The following ART3 variants were observed in gnomAD, a reference collection of about 807,000 sequenced individuals.
The protein encoded by ART3 is ecto-ADP-ribosyltransferase 3.
In ART3, 49 loss-of-function variants were observed where a neutral mutation model predicts 48.5. The ratio of observed to expected loss-of-function variants is 1.01; its 90% CI spans 0.80 to 1.28. The LOEUF (loss-of-function observed/expected upper bound fraction) is 1.28, where lower values mean the gene tolerates loss of function less well. Among genes scored for constraint, ART3 ranks in the 50% most tolerant of loss-of-function variants. The pLI, the probability that ART3 is intolerant of heterozygous loss-of-function variation, is 0.00. For synonymous variants in ART3, 145 were observed against 157.2 expected (o/e 0.92, Z 0.58); for missense variants, 438 against 454.3 (o/e 0.96, Z 0.33).
chr4:76,112,173 C>T (rs1729621455), intron 11 of ART3, among the ~76,000 whole-genome samples: 2 of 152,230 alleles, frequency 1.3e-5, no homozygotes, highest in African/African-American at 4.8e-5. Context: ...GGCACCCCAA[C>T]ACCCGTATTA....
chr4:76,027,291 T>C (rs1216339408), intron 1 of ART3, among the ~76,000 whole-genome samples: 1 of 152,100 alleles, frequency 6.6e-6, no homozygotes, highest in African/African-American at 2.4e-5. Context: ...TTATGATCAG[T>C]ACCAAATGAG....
chr4:76,112,687 T>C lies in ART3; in HGVS notation c.*168T>C, dbSNP rs932690712. 3.1e-5 allele frequency: 23 copies of C among 732,666 alleles called. No individual in the cohort carries two copies. Among genetic ancestry groups the C allele is most frequent in the South Asian group, 3.1e-4 (12 of 38,712 alleles). The allele number at this position is 732,666 out of a possible 1,614,324, so 45.4% of individuals were successfully genotyped here. A position where few individuals can be genotyped will look rare whatever the true frequency, so the allele number is the denominator to read the frequency against. On this transcript the variant is annotated 3_prime_UTR_variant, in exon 12 of 12. Coordinates refer to ENST00000355810, the MANE Select transcript of ART3 (RefSeq NM_001130016.3). The stretch of plus-strand genomic sequence containing the variant: ...CAAATTCAGAAAGTTGGTCCAGATA[T>C]ATGTCACAGAACTTTTCACTTGTAT...
chr4:76,059,419 T>G (rs1021900664), intron 1 of ART3, among the ~76,000 whole-genome samples: 1 of 151,646 alleles, frequency 6.6e-6, no homozygotes, highest in Non-Finnish European at 1.5e-5. Context: ...CTTTTCTCTA[T>G]CCTTACTTTT....
intron 1 of ART3, among the ~76,000 whole-genome samples, chr4:76,064,727 A>G (rs1003715423): frequency 6.6e-6 from 1 of 152,234 alleles, no homozygotes; most frequent in African/African-American, 2.4e-5. Context: ...TTATTACAAA[A>G]TGAGTACCAA....
rs575164317 is a variant in ART3 at position 76,044,318 on chromosome 4, C to T, written c.-9-31563C>T. Among the ~76,000 whole-genome samples the T allele has an allele frequency of 1.3e-5, 2 of 152,192 alleles. 1 individual carries two copies. The highest frequency in any genetic ancestry group is 3.9e-4 in the East Asian group (2 of 5,188). ...TGGTTAGTGTGAAAACCACATTCTT[C>T]CCCTAAGAAGGTGCAGAGTCCTCCT... On this transcript the variant is annotated intron_variant, in intron 1 of 9. Coordinates refer to the ART3 transcript ENST00000341029.
At chr4:76,095,162 C>T (rs1725720077) in intron 3 of ART3, among the ~76,000 whole-genome samples, 1 of 152,052 alleles carries the variant, frequency 6.6e-6, no homozygotes, top group Admixed American at 6.6e-5. Flanking sequence ...AAGATTAAAT[C>T]CAGAGTTTAA....
rs572882919 is a variant in ART3 at position 76,098,626 on chromosome 4, G to A, written c.815-329G>A. Among the ~76,000 whole-genome samples, 3 of 152,244 alleles carry A rather than the reference G, an allele frequency of 2.0e-5. No individual in the cohort carries two copies. In the South Asian group the frequency reaches 6.2e-4, roughly 32 times the overall value. On this transcript the variant is annotated intron_variant, in intron 4 of 11. Transcript: ENST00000355810. ...ATACAAAAATTAGCCAGGTGTGGTGGCAGGCGCCTGTAATCCTAGCTACTT... is the reference window on the plus strand; with the variant it reads ...ATACAAAAATTAGCCAGGTGTGGTGACAGGCGCCTGTAATCCTAGCTACTT...
intron 1 of ART3, among the ~76,000 whole-genome samples, chr4:76,054,656 A>G (rs1239034282): frequency 4.0e-5 from 6 of 151,752 alleles, no homozygotes; most frequent in Non-Finnish European, 7.4e-5. Flanking sequence ...ACATAGTGAG[A>G]CCCCCATCTC....
At chr4:76,080,557 C>G (rs943116597) in intron 2 of ART3, among the ~76,000 whole-genome samples, 3 of 152,134 alleles carry the variant, frequency 2.0e-5, no homozygotes, top group African/African-American at 7.2e-5. Context: ...TTTGCCCAGG[C>G]TGGAGTGCTG....
intron 11 of ART3, among the ~76,000 whole-genome samples, chr4:76,110,091 T>C (rs1334831146): frequency 2.8e-5 from 4 of 142,274 alleles, no homozygotes; most frequent in South Asian, 4.5e-4. Flanking sequence ...GCAGTGTATG[T>C]ATGGAGGGAA....
chr4:76,013,454 T>A (rs901848237), intron 1 of ART3, among the ~76,000 whole-genome samples: 1 of 152,190 alleles, frequency 6.6e-6, no homozygotes, highest in African/African-American at 2.4e-5. Flanking sequence ...CACACACCCC[T>A]GTGTATACAT....
intron 1 of ART3, among the ~76,000 whole-genome samples, chr4:76,044,948 T>C (rs1199529529): frequency 6.6e-6 from 1 of 152,090 alleles, no homozygotes; most frequent in Admixed American, 6.5e-5. Context: ...CTCCCATTCT[T>C]TCCATATTGC....
chr4:76,040,899 A>G (rs969367318), intron 1 of ART3, among the ~76,000 whole-genome samples: 1 of 152,182 alleles, frequency 6.6e-6, no homozygotes, highest in Non-Finnish European at 1.5e-5. Flanking sequence ...AGCAGGTGCT[A>G]ATGTGGATAC....
At chr4:76,094,742 A>G (rs78234753) in intron 3 of ART3, among the ~76,000 whole-genome samples, 2 of 152,156 alleles carry the variant, frequency 1.3e-5, no homozygotes, top group Non-Finnish European at 2.9e-5. Context: ...TTTCTAACAC[A>G]TATAATCTGA....
intron 1 of ART3, among the ~76,000 whole-genome samples, chr4:76,069,451 A>G (rs986748090): frequency 3.0e-5 from 4 of 133,616 alleles, no homozygotes; most frequent in East Asian, 2.3e-4. Context: ...GTGCGGTGGC[A>G]CTATCTCAGC....
At chr4:76,013,566 C>G (rs2869462) in intron 1 of ART3, among the ~76,000 whole-genome samples, 30,188 of 152,246 alleles carry the variant, frequency 0.2, 3,751 homozygotes, top group East Asian at 0.38. Context: ...CTAGCCTCTT[C>G]ATTCTCAGTT....
intron 1 of ART3, among the ~76,000 whole-genome samples, chr4:76,041,622 ATT>A (rs1469569595): frequency 2.4e-4 from 6 of 25,228 alleles, no homozygotes; most frequent in African/African-American, 5.5e-4. Context: ...AAAATATATT[ATT>A]TCAATGTGTA....
At chr4:76,052,337 C>T (rs1040126175) in intron 1 of ART3, among the ~76,000 whole-genome samples, 1 of 152,074 alleles carries the variant, frequency 6.6e-6, no homozygotes, top group African/African-American at 2.4e-5. Flanking sequence ...TATGTGCTAC[C>T]CCAAACATTG....
At chr4:76,104,699 A>C (rs1268661757) in intron 10 of ART3, 70 bp downstream of exon 10, 47 of 1,519,616 alleles carry the variant, frequency 3.1e-5, no homozygotes, top group Non-Finnish European at 1.8e-6. Context: ...TTAGATATGC[A>C]TGGGACTTTC....
Sources: gnomAD v4.1 joint callset for allele counts (sites outside exome capture counted in the v4.1 genomes callset) on GRCh38, gnomAD v4.1.1 for gene constraint, MANE v1.5 for transcripts, NCBI Gene and HGNC (gene_info 2026-07-23, HGNC 2026-07-21) for gene names.